ZNF483: variants seen among roughly 807,000 people sequenced by gnomAD.
ZNF483 encodes zinc finger protein HIT-10.
In ZNF483, 9 loss-of-function variants were observed where a neutral mutation model predicts 28.6. The ratio of observed to expected loss-of-function variants is 0.32; its 90% CI spans 0.19 to 0.55. The LOEUF (loss-of-function observed/expected upper bound fraction) is 0.55. Among genes scored for constraint, ZNF483 ranks in the 20% least tolerant of loss-of-function variants. The pLI is 0.93. For synonymous variants in ZNF483, 322 were observed against 306.2 expected (o/e 1.05, Z -0.54); for missense variants, 675 against 871.7 (o/e 0.77, Z 2.84).
At chr9:111,530,774 T>TATATATATATATATATATATATATAC (rs1827312684) in intron 2 of ZNF483, 101 bp from the exon 3 acceptor site, 1 of 41,084 alleles carries the variant, frequency 2.4e-5, no homozygotes, top group African/African-American at 1.9e-4. Flanking sequence ...TATATATATA[T>TATATATATATATATATATATATATAC]ATATATATAT....
At chr9:111,562,995 A>T in intron 5 of ZNF483, 1 of 1,432,844 alleles carries the variant, frequency 7.0e-7, no homozygotes, top group East Asian at 2.5e-5. Flanking sequence ...TATTTTATTA[A>T]GTAGCTCAAA....
At chr9:111,536,517 T>C (rs1288970555) in intron 5 of ZNF483, among the ~76,000 whole-genome samples, 1 of 152,126 alleles carries the variant, frequency 6.6e-6, no homozygotes, top group Admixed American at 6.5e-5. Context: ...AGAGCGAGAC[T>C]CCATCTCAAA....
In ZNF483 at chr9:111,553,078, A is replaced by C. The variant is rs531343567; in HGVS notation, c.*9908A>C. The stretch of plus-strand genomic sequence containing the variant: ...TTGTTAGAAATTTCACTCGCAGTTC[A>C]TATGAGTAATTTTGTGTATTCTTTT... On this transcript the variant is annotated 3_prime_UTR_variant, in exon 6 of 6. Transcript: ENST00000309235. 3.3e-5 allele frequency among the ~76,000 whole-genome samples: 5 copies of C among 152,330 alleles called. No homozygotes were observed. In the South Asian group the frequency reaches 1.0e-3, roughly 32 times the overall value.
In ZNF483 at chr9:111,570,067, A is replaced by C. The variant is rs375049266; in HGVS notation, c.722-6298A>C. The C allele has an allele frequency of 2.9e-5, 46 of 1,613,740 alleles. No homozygotes were observed. In the African/African-American group the frequency reaches 5.9e-4, roughly 21 times the overall value. Reference sequence around the variant, plus strand: ...GAGTGTGACCTAGTGTACAATTGGAAGGGGTGGCTCCGGAGCTCCTTACCT... The same window carrying C: ...GAGTGTGACCTAGTGTACAATTGGACGGGGTGGCTCCGGAGCTCCTTACCT... On this transcript the variant is annotated intron_variant, in intron 5 of 5. Transcript: ENST00000358151.
rs917470435 is a variant in ZNF483, at chr9:111,548,327, A to G, written c.*5157A>G. 1.3e-5 allele frequency among the ~76,000 whole-genome samples: 2 copies of G among 152,088 alleles called. No individual in the cohort carries two copies. The highest frequency in any genetic ancestry group is 6.6e-5 in the Admixed American group (1 of 15,264). ...TGTGCCGTCTTTAATTTTTTCAGCA[A>G]TGTGTTACAGTTGTCATTGTACAAG... On this transcript the variant is annotated 3_prime_UTR_variant, in exon 6 of 6. Coordinates refer to ENST00000309235, the MANE Select transcript of ZNF483 (RefSeq NM_133464.5).
chr9:111,541,837 A>G lies in ZNF483; in HGVS notation c.902A>G (p.Asp301Gly). The change falls in exon 6 of 6, where the codon GAC becomes GGC. Residue 301 changes from aspartate to glycine, a missense_variant. By Grantham distance (94) the Asp-to-Gly change is moderately conservative. Transcript: ENST00000309235. ...AGTGGCAGTAGGGGTAAGAAATTTG[A>G]CCCAGATAAAAGCCCCTTTGGACAT... ...LGSGSRGKKF[D>G]PDKSPFGHNF... 1 of 1,614,092 alleles carries G rather than the reference A, an allele frequency of 6.2e-7. No homozygotes were observed. The highest frequency in any genetic ancestry group is 8.5e-7 in the Non-Finnish European group (1 of 1,180,018).
intron 2 of ZNF483, among the ~76,000 whole-genome samples, chr9:111,528,577 A>G (rs1008054510): frequency 1.1e-4 from 16 of 152,262 alleles, no homozygotes; most frequent in Middle Eastern, 3.4e-3. Context: ...TATGATACAA[A>G]TATTTGTATT....
rs1020772976 is a variant in ZNF483, at chr9:111,543,089, A to G, written c.2154A>G (p.Glu718=). Residue 718 remains glutamate (E), a synonymous_variant, in exon 6 of 6, where the codon GAA becomes GAG. Transcript: ENST00000309235. ...TAAAAATTCATACCGGAAGGAGAGA[A>G]TATGAATGTAACGAATGTGAGAAGA... The part of the protein sequence containing the change: ...EHLKIHTGRR[E]YECNECEKTF... 2.5e-6 allele frequency: 4 copies of G among 1,614,026 alleles called. No homozygotes were observed. Among genetic ancestry groups the G allele is most frequent in the African/African-American group, 1.3e-5 (1 of 74,930 alleles).
chr9:111,532,138 C>T (rs1228992506), intron 3 of ZNF483, among the ~76,000 whole-genome samples: 7 of 151,932 alleles, frequency 4.6e-5, no homozygotes, highest in Non-Finnish European at 1.0e-4. Context: ...GCGAGACCCT[C>T]GTCTATATAA....
In ZNF483 at chr9:111,544,440, A is replaced by ATTATAAGG; in HGVS notation, c.*1271_*1278dup. ...AAAAACAAAGCTTGTCTTAAAAAAA[A>ATTATAAGG]TTATAAGGGCTAACAACACTGGGCT... On this transcript the variant is annotated 3_prime_UTR_variant, in exon 6 of 6. Coordinates refer to ENST00000309235, the MANE Select transcript of ZNF483 (RefSeq NM_133464.5). The ATTATAAGG allele has an allele frequency of 1.2e-6, 1 of 865,692 alleles. No individual in the cohort carries two copies. Among genetic ancestry groups the ATTATAAGG allele is most frequent in the Non-Finnish European group, 1.4e-6 (1 of 720,366 alleles). 53.6% of individuals were successfully genotyped at this position (865,692 alleles called of 1,614,324 possible).
Position 111,541,964 on chromosome 9 carries a change from A to G in ZNF483, c.1029A>G (p.Ser343=). 3.7e-6 allele frequency: 6 copies of G among 1,614,184 alleles called. No individual in the cohort carries two copies. The highest frequency in any genetic ancestry group is 5.1e-6 in the Non-Finnish European group (6 of 1,180,032). ...GCAAGAAACCCTTCAGTTTTCATTC[A>G]GACCTTGTTCTGAACCGCAAGGAGA... is the stretch of plus-strand genomic sequence containing the variant. ...NESKKPFSFH[S]DLVLNRKEKT... is the part of the protein sequence containing the mutation. Residue 343 remains serine (S), a synonymous_variant, in exon 6 of 6, where the codon TCA becomes TCG. Coordinates refer to ENST00000309235, the MANE Select transcript of ZNF483 (RefSeq NM_133464.5).
chr9:111,550,465 G>A lies in ZNF483; in HGVS notation c.*7295G>A, dbSNP rs1827906955. Among the ~76,000 whole-genome samples, 1 of 152,354 alleles carries A rather than the reference G, an allele frequency of 6.6e-6. No individual in the cohort carries two copies. Among genetic ancestry groups the A allele is most frequent in the East Asian group, 1.9e-4 (1 of 5,188 alleles). On this transcript the variant is annotated 3_prime_UTR_variant, in exon 6 of 6. Transcript: ENST00000309235. ...TGTCTCCACAGCTGCCTGCCATGGA[G>A]TGGGTGGGGATGGGTAGCTGCTACT...
At chr9:111,534,913 C>T (rs1181770619) in intron 5 of ZNF483, among the ~76,000 whole-genome samples, 5 of 151,738 alleles carry the variant, frequency 3.3e-5, no homozygotes, top group South Asian at 4.2e-4. Context: ...TTAGTAGAGA[C>T]GGGGTTTCAC....
chr9:111,570,043 A>G, intron 5 of ZNF483: 1 of 1,610,524 alleles, frequency 6.2e-7, no homozygotes, highest in Non-Finnish European at 8.5e-7. Context: ...AGGCAAAGGG[A>G]GTGTGACCTA....
At chr9:111,527,057 G>A (rs1045410914) in intron 1 of ZNF483, among the ~76,000 whole-genome samples, 12 of 151,658 alleles carry the variant, frequency 7.9e-5, no homozygotes, top group African/African-American at 2.9e-4. Flanking sequence ...AGCCGAGATC[G>A]CACCACTTCA....
chr9:111,572,408 G>A (rs1828858030), intron 5 of ZNF483, among the ~76,000 whole-genome samples: 1 of 152,110 alleles, frequency 6.6e-6, no homozygotes, highest in Non-Finnish European at 1.5e-5. Context: ...TCCTAACACA[G>A]TGAAACCCTG....
rs1827723019 is a variant in ZNF483 at position 111,543,467 on chromosome 9, G to A, written c.*297G>A. 19 of 1,095,426 alleles carry A rather than the reference G, an allele frequency of 1.7e-5. No individual in the cohort carries two copies. Among genetic ancestry groups the A allele is most frequent in the Non-Finnish European group, 1.8e-5 (16 of 900,158 alleles). 67.9% of individuals were successfully genotyped at this position (1,095,426 alleles called of 1,614,324 possible). On this transcript the variant is annotated 3_prime_UTR_variant, in exon 6 of 6. Transcript: ENST00000309235. ...CTCTGATTTCTTCTACTACCATGTA[G>A]TGTGATGGAGAGAACTTGACTGCAG...
At chr9:111,577,807 T>G (rs1829125133) in exon 6 of ZNF483, 1 of 152,172 alleles carries the variant, frequency 6.6e-6, no homozygotes, top group Non-Finnish European at 1.5e-5. Flanking sequence ...ATCACACCAC[T>G]GCACTCCAGC....
Position 111,534,325 on chromosome 9 carries a change from GGAA to G in ZNF483, c.698_700del (p.Glu233del). 1 of 1,614,132 alleles carries G rather than the reference GGAA, an allele frequency of 6.2e-7. No individual in the cohort carries two copies. Among genetic ancestry groups the G allele is most frequent in the Non-Finnish European group, 8.5e-7 (1 of 1,180,010 alleles). ...AGTGGGTTGAATTGCCATGGCTGCT[GGAA>G]GAAGTCTCAAAAAGCTCCCGACTAG... On this transcript the variant is annotated inframe_deletion, in exon 5 of 6. Transcript: ENST00000309235.
Sources: allele counts gnomAD v4.1 joint callset (sites outside exome capture counted in the v4.1 genomes callset), GRCh38; gene constraint gnomAD v4.1.1; transcripts MANE v1.5; gene names NCBI Gene and HGNC (gene_info 2026-07-23, HGNC 2026-07-21).